The following TMEM182 variants were observed in gnomAD, a reference collection of about 807,000 sequenced individuals.
The protein encoded by TMEM182 is transmembrane protein 182.
In TMEM182, 20 loss-of-function variants were observed where a neutral mutation model predicts 26.8. That is an observed-to-expected ratio of 0.75 (90% CI 0.53 to 1.09). TMEM182 has a LOEUF of 1.09. TMEM182 is among the 50% of genes least tolerant of loss of function. The probability of loss-of-function intolerance (pLI) is 0.00; values close to 1 mark genes in which losing one functional copy is unlikely to be tolerated. For missense variants in TMEM182, 277 were observed against 275.5 expected (o/e 1.01, Z -0.04); for synonymous variants, 109 against 102.2 (o/e 1.07, Z -0.40).
Position 102,797,928 on chromosome 2 carries a change from T to C in TMEM182, c.397T>C (p.Leu133=), listed in dbSNP as rs1422431251. Residue 133 remains leucine, a synonymous_variant, in exon 4 of 5, where the codon TTG becomes CTG. Coordinates refer to ENST00000412401, the MANE Select transcript of TMEM182 (RefSeq NM_144632.5). The part of the protein sequence containing the change: ...GVVAVVIASF[L]IICAAPFASH... ...AGTTGCTGTAGTCATCGCAAGCTTTTTGATCATCTGTGCAGCCCCCTTCGC... is the reference window on the plus strand; with the variant it reads ...AGTTGCTGTAGTCATCGCAAGCTTTCTGATCATCTGTGCAGCCCCCTTCGC... 4 of 1,614,026 alleles carry C rather than the reference T, an allele frequency of 2.5e-6. No individual in the cohort carries two copies. The African/African-American group carries it at 5.3e-5, about 22-fold the overall frequency.
At chr2:102,841,757 T>G (rs1464175248) in intron 3 of TMEM182, among the ~76,000 whole-genome samples, 1 of 152,212 alleles carries the variant, frequency 6.6e-6, no homozygotes, top group Non-Finnish European at 1.5e-5. Flanking sequence ...TTTCTGACTG[T>G]TTGGACAGGT....
intron 3 of TMEM182, among the ~76,000 whole-genome samples, chr2:102,792,645 AT>A (rs889961461): frequency 9.9e-5 from 15 of 152,216 alleles, no homozygotes; most frequent in Non-Finnish European, 1.6e-4. Context: ...GTTCCAACAA[AT>A]TTTGTAATAT....
At chr2:102,754,531 T>C (rs1400760092) in intron 1 of TMEM182, among the ~76,000 whole-genome samples, 2 of 152,244 alleles carry the variant, frequency 1.3e-5, no homozygotes, top group South Asian at 2.1e-4. Flanking sequence ...CTTTCTTTGG[T>C]AAACCATTCC....
Position 102,762,325 on chromosome 2 carries a change from G to T in TMEM182, c.108G>T (p.Val36=). 6.2e-7 allele frequency: 1 copy of T among 1,613,900 alleles called. No individual in the cohort carries two copies. Among genetic ancestry groups the T allele is most frequent in the East Asian group, 2.2e-5 (1 of 44,840 alleles). The change falls in exon 1 of 5, where the codon GTG becomes GTT. Residue 36 remains valine (V), a synonymous_variant. Coordinates refer to ENST00000412401, the MANE Select transcript of TMEM182 (RefSeq NM_144632.5). ...GSDYWLLATE[V]GRCSGEKNIE... ...ATTATTGGCTTCTTGCAACTGAAGT[G>T]GGGAGATGTTCAGGTGAAAAGAATG...
intron 1 of TMEM182, among the ~76,000 whole-genome samples, chr2:102,747,767 T>A (rs1558750629): frequency 6.6e-6 from 1 of 152,182 alleles, no homozygotes; most frequent in Non-Finnish European, 1.5e-5. Context: ...TTCTGGTGGT[T>A]TTAAACATCT....
chr2:102,752,273 T>C (rs749238746), intron 1 of TMEM182, among the ~76,000 whole-genome samples: 24 of 152,212 alleles, frequency 1.6e-4, no homozygotes, highest in South Asian at 2.1e-4. Context: ...AGAACAGAGC[T>C]GGAGACAGTG....
chr2:102,759,959 G>A (rs1323340413), upstream of TMEM182, among the ~76,000 whole-genome samples: 1 of 152,166 alleles, frequency 6.6e-6, no homozygotes, highest in Non-Finnish European at 1.5e-5. Flanking sequence ...ATAAGATTGG[G>A]ACCACTTGTG....
At chr2:102,800,384 C>T (rs2104733163) in intron 4 of TMEM182, among the ~76,000 whole-genome samples, 1 of 152,306 alleles carries the variant, frequency 6.6e-6, no homozygotes, top group South Asian at 2.1e-4. Flanking sequence ...TGAAATCACA[C>T]TATATGTGGA....
At position 102,748,606 on chromosome 2, in the gene TMEM182, C is replaced by T. The variant is rs141836285; in HGVS notation, c.-82-9783C>T. Among the ~76,000 whole-genome samples, 826 of 152,272 alleles carry T rather than the reference C, an allele frequency of 5.4e-3. 13 individuals carry two copies. Among genetic ancestry groups the T allele is most frequent in the African/African-American group, 0.019 (779 of 41,546 alleles). On this transcript the variant is annotated intron_variant, in intron 1 of 5. Transcript: ENST00000409173. ...TTAACTATGACTAAAATAAACAAAA[C>T]AGAGTCCTTAATTGCATTTCACCTC... is the stretch of plus-strand genomic sequence containing the variant.
At chr2:102,831,691 A>G (rs1683153954) in intron 3 of TMEM182, among the ~76,000 whole-genome samples, 1 of 152,058 alleles carries the variant, frequency 6.6e-6, no homozygotes, top group African/African-American at 2.4e-5. Flanking sequence ...TGGGAGGTGG[A>G]GGTTGCAGTG....
At chr2:102,776,445 C>T (rs1413555561) in intron 3 of TMEM182, among the ~76,000 whole-genome samples, 1 of 152,134 alleles carries the variant, frequency 6.6e-6, no homozygotes, top group African/African-American at 2.4e-5. Flanking sequence ...TGGCTTCTTT[C>T]ACTTAGTATG....
At chr2:102,789,454 T>C (rs1681542251) in intron 3 of TMEM182, among the ~76,000 whole-genome samples, 1 of 152,178 alleles carries the variant, frequency 6.6e-6, no homozygotes, top group Non-Finnish European at 1.5e-5. Flanking sequence ...TTTAAATATC[T>C]TAACAGAACA....
Position 102,790,029 on chromosome 2 carries a change from C to T in TMEM182, c.332-7834C>T, listed in dbSNP as rs369040275. ...TGAAATCATGGTCTTTCCTGCCATT[C>T]GACACCATAATATTCAAGCATACCT... On this transcript the variant is annotated intron_variant, in intron 3 of 4. Coordinates refer to ENST00000412401, the MANE Select transcript of TMEM182 (RefSeq NM_144632.5). 4.6e-5 allele frequency among the ~76,000 whole-genome samples: 7 copies of T among 152,264 alleles called. No homozygotes were observed. The East Asian group carries it at 9.7e-4, about 21-fold the overall frequency.
chr2:102,819,503 T>C (rs542435902), downstream of TMEM182, among the ~76,000 whole-genome samples: 1 of 152,308 alleles, frequency 6.6e-6, no homozygotes, highest in Admixed American at 6.5e-5. Context: ...TACCTAGGCA[T>C]GTATATGTAT....
intron 4 of TMEM182, among the ~76,000 whole-genome samples, chr2:102,812,384 T>TACACACACACACACAC (rs61175945): frequency 7.0e-6 from 1 of 143,224 alleles, no homozygotes; most frequent in Non-Finnish European, 1.5e-5. Flanking sequence ...TCTACACATG[T>TACACACACACACACAC]ACACACACAC....
chr2:102,805,900 G>A lies in TMEM182; in HGVS notation c.469+7900G>A, dbSNP rs1161670117. Among the ~76,000 whole-genome samples, 3 of 151,928 alleles carry A rather than the reference G, an allele frequency of 2.0e-5. No homozygotes were observed. In the South Asian group the frequency reaches 6.2e-4, roughly 32 times the overall value. On this transcript the variant is annotated intron_variant, in intron 4 of 4. Coordinates refer to ENST00000412401, the MANE Select transcript of TMEM182 (RefSeq NM_144632.5). ...CTCCAGCCTGGCAGAGCGAGATCCT[G>A]TCTCTAAAAAAACAAAAAAAACCCA...
intron 3 of TMEM182, among the ~76,000 whole-genome samples, chr2:102,779,132 T>C (rs1042318813): frequency 6.6e-6 from 1 of 152,164 alleles, no homozygotes; most frequent in African/African-American, 2.4e-5. Flanking sequence ...CTTTTAGTGC[T>C]TGAAAAATGT....
chr2:102,795,708 C>T (rs1440079209), intron 3 of TMEM182, among the ~76,000 whole-genome samples: 1 of 152,012 alleles, frequency 6.6e-6, no homozygotes, highest in Non-Finnish European at 1.5e-5. Flanking sequence ...TAGGTTCAAA[C>T]GTGGAATTTT....
At chr2:102,838,240 G>T (rs952217781) in intron 3 of TMEM182, among the ~76,000 whole-genome samples, 1 of 152,144 alleles carries the variant, frequency 6.6e-6, no homozygotes, top group African/African-American at 2.4e-5. Flanking sequence ...TTAACTTAAG[G>T]TCTAACTTAG....
Sources: allele counts gnomAD v4.1 joint callset (sites outside exome capture counted in the v4.1 genomes callset), GRCh38; gene constraint gnomAD v4.1.1; transcripts MANE v1.5; gene names NCBI Gene and HGNC (gene_info 2026-07-23, HGNC 2026-07-21).